RALGDS: variants seen among roughly 807,000 people sequenced by gnomAD.
RALGDS encodes ral guanine nucleotide exchange factor.
Under a neutral mutation model 99.8 loss-of-function variants are expected in RALGDS, and 44 were observed. The observed-to-expected ratio is 0.44, with a 90% CI of 0.35 to 0.57. RALGDS has a LOEUF of 0.57. Among genes scored for constraint, RALGDS ranks in the 20% least tolerant of loss-of-function variants. The pLI is 0.01. For missense variants in RALGDS, 1,022 were observed against 1,203.1 expected (o/e 0.85, Z 2.23); for synonymous variants, 529 against 505.0 (o/e 1.05, Z -0.64).
At position 133,101,392 on chromosome 9, in the gene RALGDS, C is replaced by T. The variant is rs144860979; in HGVS notation, c.2454+128G>A. On this transcript the variant is annotated intron_variant, in intron 16 of 17. Coordinates refer to ENST00000372050, the MANE Select transcript of RALGDS (RefSeq NM_006266.4). ...GATCACTACCTTCTTCATTTCTGTA[C>T]CTGGCTGACATCTGTCCTTCCCCGC... 4.5e-6 allele frequency: 7 copies of T among 1,564,592 alleles called. No homozygotes were observed. In the Admixed American group the frequency reaches 8.3e-5, roughly 19 times the overall value.
rs886017 is a variant in RALGDS, at chr9:133,098,713, G to A, written c.2619C>T (p.Thr873=). The A allele has an allele frequency of 0.53, 851,677 of 1,613,596 alleles. 228,533 individuals are homozygous for A. The highest frequency in any genetic ancestry group is 0.66 in the South Asian group (60,399 of 91,068). Reference sequence around the variant, plus strand: ...TCTTGAGGACAAAGTCATAGTTGGCGGTAGAGTTCATGGCATAGAAGACGT... The same window carrying A: ...TCTTGAGGACAAAGTCATAGTTGGCAGTAGAGTTCATGGCATAGAAGACGT... The part of the protein sequence containing the change: ...NANVFYAMNS[T]ANYDFVLKKR... The change falls in exon 18 of 18, where the codon ACC becomes ACT. Residue 873 remains threonine (T), a synonymous_variant. Coordinates refer to ENST00000372050, the MANE Select transcript of RALGDS (RefSeq NM_006266.4).
rs1043106953 is a variant in RALGDS at position 133,102,068 on chromosome 9, C to T, written c.2081G>A (p.Cys694Tyr). The change falls in exon 15 of 18, where the codon TGT becomes TAT. Residue 694 changes from cysteine to tyrosine, a missense_variant. Around this residue, in one of 3 missense-constraint regions of RALGDS, gnomAD observed 825 missense variants for 994.5 expected, o/e 0.83. Transcript: ENST00000372050. ...SHSKSCDQLRCGPYLSSGDIA... is the reference protein window; with the variant it reads ...SHSKSCDQLRYGPYLSSGDIA... ...GTCCCCGCTGCTGAGGTAGGGGCCA[C>T]ACCTGAGCTGGTCACAGGACTTGGA... 3 of 1,568,796 alleles carry T rather than the reference C, an allele frequency of 1.9e-6. No individual in the cohort carries two copies. The highest frequency in any genetic ancestry group is 2.6e-6 in the Non-Finnish European group (3 of 1,156,512).
At chr9:133,103,356 G>GT in intron 11 of RALGDS, 94 bp from the exon 12 acceptor site, 1 of 1,494,136 alleles carries the variant, frequency 6.7e-7, no homozygotes, top group Non-Finnish European at 9.3e-7. Context: ...TGCCCACCAG[G>GT]GGGCAGGGCA....
intron 16 of RALGDS, 60 bp from the exon 17 acceptor site, chr9:133,100,442 T>C: frequency 6.2e-7 from 1 of 1,608,688 alleles, no homozygotes; most frequent in Non-Finnish European, 8.5e-7. Context: ...TCCCCCAGAG[T>C]GCAGTGGCCA....
intron 1 of RALGDS, chr9:133,130,812 G>C (rs1832313138): frequency 3.8e-6 from 3 of 788,230 alleles, no homozygotes; most frequent in Admixed American, 2.8e-5. Flanking sequence ...CACAGGAAAA[G>C]TGTCTGTCCA....
intron 1 of RALGDS, among the ~76,000 whole-genome samples, chr9:133,117,686 G>A (rs1831680694): frequency 1.3e-5 from 2 of 152,256 alleles, no homozygotes; most frequent in African/African-American, 4.8e-5. Flanking sequence ...GTATATCTGG[G>A]AACACAGTGA....
chr9:133,121,567 G>A (rs558145834), upstream of RALGDS, among the ~76,000 whole-genome samples: 2 of 151,276 alleles, frequency 1.3e-5, no homozygotes, highest in Non-Finnish European at 3.0e-5. Context: ...CGTGTGTTGC[G>A]TAGGGCTGAA....
Position 133,098,675 on chromosome 9 carries a change from G to GT in RALGDS, c.2656dup (p.Thr886AsnfsTer41). 1.2e-6 allele frequency: 2 copies of GT among 1,614,116 alleles called. No homozygotes were observed. The highest frequency in any genetic ancestry group is 1.7e-6 in the Non-Finnish European group (2 of 1,179,994). Reference sequence around the variant, plus strand: ...TCCGTGCTTGACCTTCACTCCCTTGGTGAAGGTCCGCTTCTTGAGGACAAA... The same window carrying GT: ...TCCGTGCTTGACCTTCACTCCCTTGGTTGAAGGTCCGCTTCTTGAGGACAAA... On this transcript the variant is annotated frameshift_variant, in exon 18 of 18. Transcript: ENST00000372050. LOFTEE classifies it high-confidence loss of function.
chr9:133,148,975 C>T, exon 1 of RALGDS: 3 of 1,599,218 alleles, frequency 1.9e-6, no homozygotes, highest in Non-Finnish European at 2.6e-6. Flanking sequence ...GGCAATCTAC[C>T]ATCATCCTCA....
upstream of RALGDS, among the ~76,000 whole-genome samples, chr9:133,135,291 T>G (rs569836643): frequency 1.3e-5 from 2 of 152,310 alleles, no homozygotes; most frequent in Non-Finnish European, 2.9e-5. Flanking sequence ...GGGGCTGTGC[T>G]TATTTTGGCA....
At chr9:133,133,741 G>A (rs1243255253), upstream of RALGDS, among the ~76,000 whole-genome samples, 2 of 152,216 alleles carry the variant, frequency 1.3e-5, no homozygotes, top group African/African-American at 4.8e-5. Context: ...GTGGTCCCAC[G>A]ATGCTCTGCC....
intron 1 of RALGDS, among the ~76,000 whole-genome samples, chr9:133,127,685 A>G (rs1282264846): frequency 6.6e-6 from 1 of 152,192 alleles, no homozygotes; most frequent in East Asian, 1.9e-4. Context: ...CTCCCCTGCC[A>G]CTGGGTTCCT....
At chr9:133,132,338 C>T (rs988173419), upstream of RALGDS, among the ~76,000 whole-genome samples, 4 of 152,104 alleles carry the variant, frequency 2.6e-5, no homozygotes, top group South Asian at 2.1e-4. Context: ...AGCAGGGATC[C>T]GAGGCTGTCC....
intron 9 of RALGDS, among the ~76,000 whole-genome samples, chr9:133,105,286 G>A (rs2119139103): frequency 6.6e-6 from 1 of 152,308 alleles, no homozygotes; most frequent in East Asian, 1.9e-4. Flanking sequence ...TCCCTCTGAG[G>A]CCTCGTGAAT....
chr9:133,120,948 G>C, intron 1 of RALGDS, 24 bp downstream of exon 1: 1 of 1,472,984 alleles, frequency 6.8e-7, no homozygotes, highest in Non-Finnish European at 9.0e-7. Flanking sequence ...CGCACCCCCC[G>C]CCCGACCGCC....
intron 1 of RALGDS, among the ~76,000 whole-genome samples, chr9:133,130,779 G>C (rs1004466334): frequency 6.6e-6 from 1 of 152,214 alleles, no homozygotes; most frequent in Non-Finnish European, 1.5e-5. Context: ...GCCCCAGAGA[G>C]AGCAGGGACT....
intron 1 of RALGDS, chr9:133,129,490 C>T: frequency 7.3e-7 from 1 of 1,362,078 alleles, no homozygotes; most frequent in Non-Finnish European, 9.5e-7. Flanking sequence ...CCCGCTTGTA[C>T]CAGGCCATGG....
rs187732390 is a variant in RALGDS at position 133,109,747 on chromosome 9, T to C, written c.489-26A>G. On this transcript the variant is annotated intron_variant, in intron 3 of 17. Transcript: ENST00000372050. ...CTGCTTATGACGTCTAGTGTTACTG[T>C]CTGACTCTCCGACTAGAACGGAGGC... is the stretch of plus-strand genomic sequence containing the variant. The C allele has an allele frequency of 1.6e-5, 25 of 1,594,772 alleles. No individual in the cohort carries two copies. The Admixed American group carries it at 2.2e-4, about 14-fold the overall frequency.
At chr9:133,110,142 C>A (rs3761825) in intron 3 of RALGDS, among the ~76,000 whole-genome samples, 154 bp downstream of exon 3, 35,249 of 152,206 alleles carry the variant, frequency 0.23, 4,647 homozygotes, top group Middle Eastern at 0.4. Flanking sequence ...GGCATGGTGA[C>A]AACCCCATGA....
Sources: allele counts gnomAD v4.1 joint callset (sites outside exome capture counted in the v4.1 genomes callset), GRCh38; gene constraint gnomAD v4.1.1; regional missense constraint gnomAD v4.1.1; transcripts MANE v1.5; gene names NCBI Gene and HGNC (gene_info 2026-07-23, HGNC 2026-07-21).